The following KMT2D variants were observed in gnomAD, a reference collection of about 807,000 sequenced individuals.
KMT2D encodes the protein histone-lysine N-methyltransferase 2D.
Under a neutral mutation model 512.7 loss-of-function variants are expected in KMT2D, and 55 were observed. That is an observed-to-expected ratio of 0.11 (90% CI 0.09 to 0.13). The LOEUF is 0.13. Among genes scored for constraint, KMT2D ranks in the 10% least tolerant of loss-of-function variants. The probability of loss-of-function intolerance (pLI) is 1.00; values close to 1 mark genes in which losing one functional copy is unlikely to be tolerated. For missense variants in KMT2D, 6,061 were observed against 7,127.9 expected, an observed-to-expected ratio of 0.85 and a Z score of 5.39; for synonymous variants, 2,995 against 2,904.0, an observed-to-expected ratio of 1.03 and a Z score of -1.01.
intron 46 of KMT2D, among the ~76,000 whole-genome samples, chr12:49,028,462 A>T (rs1384208402): frequency 1.2e-4 from 18 of 152,134 alleles, no homozygotes; most frequent in Admixed American, 1.2e-3. Flanking sequence ...AGAAACCCAT[A>T]TTGTCATTTT....
chr12:49,030,871 G>A (rs759758831), intron 41 of KMT2D, 22 bp downstream of exon 41: 5 of 1,613,352 alleles, frequency 3.1e-6, no homozygotes, highest in Admixed American at 3.3e-5. Context: ...GGGACCAGGG[G>A]GACTGTCTCC....
intron 1 of KMT2D, 27 bp from the exon 2 acceptor site, chr12:49,055,388 A>G (rs973027386): frequency 1.4e-6 from 2 of 1,460,154 alleles, no homozygotes; most frequent in Admixed American, 3.7e-5. Flanking sequence ...AGAGATCTAT[A>G]TGCCTACTAA....
chr12:49,044,931 C>A lies in KMT2D; in HGVS notation c.4776G>T (p.Leu1592=). ...PQYFRFEGVW[L]TETGMALLRN... ...GCAGCAAGGCCATGCCAGTTTCTGT[C>A]AGCCACACACCTTCGAAGCGAAAGT... is the stretch of plus-strand genomic sequence containing the variant. The change falls in exon 20 of 55, where the codon CTG becomes CTT. Residue 1592 remains leucine (L), a synonymous_variant. Transcript: ENST00000301067. The surrounding 1 kb of genome is among the most constrained non-coding windows in gnomAD (Gnocchi z 6.4). 6.2e-7 allele frequency: 1 copy of A among 1,613,988 alleles called. No individual in the cohort carries two copies. The highest frequency in any genetic ancestry group is 1.1e-5 in the South Asian group (1 of 91,082).
rs2120626250 is a variant in KMT2D, at chr12:49,048,753, C to T, written c.4037G>A (p.Ser1346Asn). 6.2e-7 allele frequency: 1 copy of T among 1,606,286 alleles called. No individual in the cohort carries two copies. Among genetic ancestry groups the T allele is most frequent in the Non-Finnish European group, 8.5e-7 (1 of 1,174,470 alleles). ...TTCCTCCTCCTCCTTACTGGGAGAG[C>T]TATCAATGTCAGCAACCTGATGGGC... ...IETLVVADID[S>N]SPSKEEEEED... Residue 1346 changes from serine to asparagine, a missense_variant, in exon 14 of 55, where the codon AGC (serine) becomes AAC (asparagine). Physicochemically the swap from Ser to Asn is conservative, Grantham distance 46. This residue lies in a region of KMT2D where 447 missense variants were observed against 500.1 expected (regional missense o/e 0.89). Transcript: ENST00000301067.
At position 49,046,700 on chromosome 12, in the gene KMT2D, G is replaced by A. The variant is rs780394056; in HGVS notation, c.4327C>T (p.Leu1443=). The change falls in exon 16 of 55, where the codon CTG becomes TTG. Residue 1443 remains leucine (L), a synonymous_variant. Transcript: ENST00000301067. The surrounding 1 kb of genome is among the most constrained non-coding windows in gnomAD (Gnocchi z 4.2). ...CGQASDPSRL[L]LCDDCDISYH... Reference sequence around the variant, plus strand: ...CTAATATCACAGTCATCACAGAGCAGCAGGCGTGAGGGGTCGGAGGCCTGG... The same window carrying A: ...CTAATATCACAGTCATCACAGAGCAACAGGCGTGAGGGGTCGGAGGCCTGG... 1 of 1,613,954 alleles carries A rather than the reference G, an allele frequency of 6.2e-7. No individual in the cohort carries two copies. Among genetic ancestry groups the A allele is most frequent in the Non-Finnish European group, 8.5e-7 (1 of 1,179,870 alleles).
Position 49,051,133 on chromosome 12 carries a change from A to G in KMT2D, c.2550T>C (p.His850=). 1 of 1,518,208 alleles carries G rather than the reference A, an allele frequency of 6.6e-7. No individual in the cohort carries two copies. Among genetic ancestry groups the G allele is most frequent in the South Asian group, 1.3e-5 (1 of 75,254 alleles). 94.0% of individuals were successfully genotyped at this position (1,518,208 alleles called of 1,614,324 possible). The change falls in exon 11 of 55, where the codon CAT becomes CAC. Residue 850 remains histidine, a synonymous_variant. Coordinates refer to ENST00000301067, the MANE Select transcript of KMT2D (RefSeq NM_003482.4). ...PCLSPRPEES[H]LSPELEKPPL... ...GTGGCTTCTCAAGCTCAGGGGACAG[A>G]TGCGATTCCTCAGGCCGGGGGGACA...
At position 49,043,999 on chromosome 12, in the gene KMT2D, CTG is replaced by C; in HGVS notation, c.5189-3_5189-2del. ...TCTGCAGGCAGGTCAGCAGGTATCACTGTGGACAGAACGGAAGTGTCAGACTC... is the reference window on the plus strand; with the variant it reads ...TCTGCAGGCAGGTCAGCAGGTATCACTGGACAGAACGGAAGTGTCAGACTC... On this transcript the variant is annotated splice_acceptor_variant and splice_polypyrimidine_tract_variant and intron_variant, in intron 22 of 54. Transcript: ENST00000301067. LOFTEE classifies it high-confidence loss of function. 1 of 1,614,040 alleles carries C rather than the reference CTG, an allele frequency of 6.2e-7. No homozygotes were observed.
In KMT2D at chr12:49,051,235, AGACAGGTGCGGCTCCTCAGTCTGGGGG is replaced by A. The variant is rs1937973861; in HGVS notation, c.2421_2447del (p.Gln809_Pro817del). On this transcript the variant is annotated inframe_deletion, in exon 11 of 55. Transcript: ENST00000301067. ...ACAAGCATGGCTCCTCAGGCACAGG[AGACAGGTGCGGCTCCTCAGTCTGGGGG>A]GACAGGTGCAATTCCTCAGGCTGAG... 1.4e-6 allele frequency: 2 copies of A among 1,426,688 alleles called. No homozygotes were observed. Among genetic ancestry groups the A allele is most frequent in the South Asian group, 1.5e-5 (1 of 66,032 alleles). The allele number at this position is 1,426,688 out of a possible 1,614,324, so 88.4% of individuals were successfully genotyped here.
chr12:49,045,018 A>G (rs1943720716), intron 19 of KMT2D, 53 bp from the exon 20 acceptor site: 1 of 1,528,402 alleles, frequency 6.5e-7, no homozygotes, highest in Non-Finnish European at 9.1e-7. Context: ...CAGGGAAACC[A>G]GAACTGCAAG....
intron 39 of KMT2D, 39 bp downstream of exon 39, chr12:49,034,028 T>G (rs1007427697): frequency 6.3e-7 from 1 of 1,589,088 alleles, no homozygotes; most frequent in Non-Finnish European, 8.6e-7. Flanking sequence ...CCCTCTTCCC[T>G]GCCTTCTGGG....
Position 49,052,192 on chromosome 12 carries a change from C to G in KMT2D, c.1491G>C (p.Pro497=), listed in dbSNP as rs1438902528. 6.2e-7 allele frequency: 1 copy of G among 1,612,588 alleles called. No homozygotes were observed. The highest frequency in any genetic ancestry group is 8.5e-7 in the Non-Finnish European group (1 of 1,179,480). Residue 497 remains proline (P), a synonymous_variant, in exon 11 of 55, where the codon CCG becomes CCC. Coordinates refer to ENST00000301067, the MANE Select transcript of KMT2D (RefSeq NM_003482.4). ...GGGGAGACAGAGGAGACTCCTCAGG[C>G]GGCGGAGAGAGGGGCGATTCCTCCA... The part of the protein sequence containing the change: ...RPLEESPLSP[P]PEESPLSPPP...
Position 49,020,764 on chromosome 12 carries a change from G to A in KMT2D, c.*1016C>T, listed in dbSNP as rs1347442515. 1 of 208,144 alleles carries A rather than the reference G, an allele frequency of 4.8e-6. No homozygotes were observed. The allele number at this position is 208,144 out of a possible 1,614,324, so 12.9% of individuals were successfully genotyped here. A position where few individuals can be genotyped will look rare whatever the true frequency, so the allele number is the denominator to read the frequency against. ...CCCCACCCAACCCGTCCAGGGGCTG[G>A]AGGGCAAACAGGCTCATGATGAGGT... On this transcript the variant is annotated 3_prime_UTR_variant, in exon 55 of 55. Coordinates refer to ENST00000301067, the MANE Select transcript of KMT2D (RefSeq NM_003482.4).
rs752346893 is a variant in KMT2D at position 49,040,841 on chromosome 12, G to T, written c.6929C>A (p.Pro2310His). Residue 2310 changes from proline (P) to histidine (H), a missense_variant, in exon 32 of 55, where the codon CCC becomes CAC. Around this residue, in one of 16 missense-constraint regions of KMT2D, gnomAD observed 710 missense variants for 647.3 expected, o/e 1.10. Transcript: ENST00000301067. Reference protein sequence around the residue: ...GPPNLGFVDSPSSGTHLGGLE... With the variant: ...GPPNLGFVDSHSSGTHLGGLE... ...GCCACCCAGGTGGGTGCCTGAGGAG[G>T]GTGAGTCAACAAAGCCCAGGTTTGG... The T allele has an allele frequency of 5.0e-6, 8 of 1,613,648 alleles. No individual in the cohort carries two copies. The Admixed American group carries it at 1.3e-4, about 27-fold the overall frequency.
Position 49,030,390 on chromosome 12 carries a change from G to T in KMT2D, c.13889C>A (p.Pro4630Gln). ...PTPPSSLPPT[P>Q]PPSVQQKMVN... Reference sequence around the variant, plus strand: ...CATCTTCTGCTGCACCGATGGGGGTGGGGTGGGGGGCAGCGACGAGGGTGG... The same window carrying T: ...CATCTTCTGCTGCACCGATGGGGGTTGGGTGGGGGGCAGCGACGAGGGTGG... The change falls in exon 43 of 55, where the codon CCA (proline) becomes CAA (glutamine). Residue 4630 changes from proline to glutamine, a missense_variant. Coordinates refer to ENST00000301067, the MANE Select transcript of KMT2D (RefSeq NM_003482.4). 6.3e-7 allele frequency: 1 copy of T among 1,593,322 alleles called. No homozygotes were observed. Among genetic ancestry groups the T allele is most frequent in the Non-Finnish European group, 8.6e-7 (1 of 1,167,686 alleles).
chr12:49,046,087 C>A lies in KMT2D; in HGVS notation c.4671G>T (p.Gln1557His). The change falls in exon 18 of 55, where the codon CAG (glutamine) becomes CAT (histidine). Residue 1557 changes from glutamine (Q) to histidine (H), a missense_variant. Gln to His is a conservative substitution (Grantham distance 24). Coordinates refer to ENST00000301067, the MANE Select transcript of KMT2D (RefSeq NM_003482.4). This position sits in a 1 kb window ranked among gnomAD's most constrained non-coding sequence, Gnocchi z 4.2. Reference protein sequence around the residue: ...ADEGFDCVSCQPYVVKPVAPV... With the variant: ...ADEGFDCVSCHPYVVKPVAPV... ...CACCCACAGGCTTTACCACGTAGGG[C>A]TGGCAGGAGACACAGTCAAAGCCTT... 1 of 1,611,550 alleles carries A rather than the reference C, an allele frequency of 6.2e-7. No homozygotes were observed. The highest frequency in any genetic ancestry group is 8.5e-7 in the Non-Finnish European group (1 of 1,178,758).
chr12:49,027,782 CTT>C lies in KMT2D; in HGVS notation c.14643+19_14643+20del. 1 of 1,553,512 alleles carries C rather than the reference CTT, an allele frequency of 6.4e-7. No individual in the cohort carries two copies. The highest frequency in any genetic ancestry group is 8.7e-7 in the Non-Finnish European group (1 of 1,147,824). On this transcript the variant is annotated intron_variant, in intron 48 of 54. Transcript: ENST00000301067. ...AGCCCCTTTTTTCTAACACCCACCC[CTT>C]TTTCTCCCCCAGACCTACCTGTTTC...
At position 49,042,137 on chromosome 12, in the gene KMT2D, C is replaced by T. The variant is rs1270558138; in HGVS notation, c.6061G>A (p.Val2021Met). ...GGAAAATTAATGTTGGCATAGAGCA[C>T]AGGTGAGATGGTGGACAGCTGGCCC... ...ELGQLSTISP[V>M]LYANINFPNL... Residue 2021 changes from valine (V) to methionine (M), a missense_variant, in exon 29 of 55, where the codon GTG becomes ATG. Val to Met is a conservative substitution (Grantham distance 21). Around this residue, in one of 16 missense-constraint regions of KMT2D, gnomAD observed 640 missense variants for 814.3 expected, o/e 0.79. Transcript: ENST00000301067. This position sits in a 1 kb window ranked among gnomAD's most constrained non-coding sequence, Gnocchi z 4.4. 6.2e-7 allele frequency: 1 copy of T among 1,613,582 alleles called. No homozygotes were observed. Among genetic ancestry groups the T allele is most frequent in the Admixed American group, 1.7e-5 (1 of 59,958 alleles).
chr12:49,039,669 G>A lies in KMT2D; in HGVS notation c.8047-52C>T, dbSNP rs2120514363. Reference sequence around the variant, plus strand: ...AAGCCCATTCTACTCCAATCATAGGGCTGCCCCAGAGACAGGAGCGATATA... The same window carrying A: ...AAGCCCATTCTACTCCAATCATAGGACTGCCCCAGAGACAGGAGCGATATA... On this transcript the variant is annotated intron_variant, in intron 32 of 54. Transcript: ENST00000301067. The surrounding 1 kb of genome is among the most constrained non-coding windows in gnomAD (Gnocchi z 5.0). 1 of 1,602,610 alleles carries A rather than the reference G, an allele frequency of 6.2e-7. No homozygotes were observed. The highest frequency in any genetic ancestry group is 8.5e-7 in the Non-Finnish European group (1 of 1,175,372).
Position 49,030,448 on chromosome 12 carries a change from TGG to T in KMT2D, c.13840-11_13840-10del. Reference sequence around the variant, plus strand: ...GGGTTACTCAGGTTATTCTGAGGGGTGGGGGGTGGGGTGTTGTGTGCAAGATG... The same window carrying T: ...GGGTTACTCAGGTTATTCTGAGGGGTGGGGTGGGGTGTTGTGTGCAAGATG... On this transcript the variant is annotated splice_polypyrimidine_tract_variant and intron_variant, in intron 42 of 54. Transcript: ENST00000301067. The T allele has an allele frequency of 3.7e-6, 1 of 268,436 alleles. No individual in the cohort carries two copies. The highest frequency in any genetic ancestry group is 5.4e-6 in the Non-Finnish European group (1 of 183,960). 16.6% of individuals were successfully genotyped at this position (268,436 alleles called of 1,614,324 possible). A position where few individuals can be genotyped will look rare whatever the true frequency, so the allele number is the denominator to read the frequency against.
Sources: allele counts gnomAD v4.1 joint callset (sites outside exome capture counted in the v4.1 genomes callset), GRCh38; gene constraint gnomAD v4.1.1; regional missense constraint gnomAD v4.1.1; non-coding constraint Gnocchi (gnomAD v3.1); transcripts MANE v1.5; gene names NCBI Gene and HGNC (gene_info 2026-07-23, HGNC 2026-07-21).